The following PTPRD variants were observed in gnomAD, a reference collection of about 807,000 sequenced individuals.
The protein encoded by PTPRD is receptor-type tyrosine-protein phosphatase delta.
PTPRD carries 34 observed loss-of-function variants against 214.5 expected under a neutral mutation model. The ratio of observed to expected loss-of-function variants is 0.16; its 90% CI spans 0.12 to 0.21. PTPRD has a LOEUF of 0.21. PTPRD is among the 10% of genes least tolerant of loss of function. The pLI is 1.00. For missense variants in PTPRD, 2,545 were observed against 2,398.7 expected (o/e 1.06, Z -1.27); for synonymous variants, 1,128 against 845.7 (o/e 1.33, Z -5.79).
chr9:8,404,987 C>A (rs3739577), intron 35 of PTPRD, among the ~76,000 whole-genome samples: 15,514 of 152,154 alleles, frequency 0.1, 1,470 homozygotes, highest in East Asian at 0.38. Context: ...CATCTTGGTT[C>A]AATATTCCTT....
At chr9:9,431,204 C>G (rs1569568266) in intron 8 of PTPRD, among the ~76,000 whole-genome samples, 1 of 151,718 alleles carries the variant, frequency 6.6e-6, no homozygotes, top group Non-Finnish European at 1.5e-5. Flanking sequence ...AACAAATTTA[C>G]AAGAAAAAAT....
At chr9:10,077,140 A>C (rs1424865359) in intron 3 of PTPRD, among the ~76,000 whole-genome samples, 1 of 152,188 alleles carries the variant, frequency 6.6e-6, no homozygotes, top group Non-Finnish European at 1.5e-5. Flanking sequence ...ATAGTGCTTG[A>C]TAAAATGTTA....
At chr9:9,400,896 A>C (rs1312849171) in intron 8 of PTPRD, among the ~76,000 whole-genome samples, 1 of 152,066 alleles carries the variant, frequency 6.6e-6, no homozygotes, top group East Asian at 1.9e-4. Context: ...CCACTTCTCC[A>C]TATTCGACCA....
At chr9:8,955,222 A>C (rs1423417582) in intron 11 of PTPRD, among the ~76,000 whole-genome samples, 1 of 151,872 alleles carries the variant, frequency 6.6e-6, no homozygotes. Flanking sequence ...GAATATGAAA[A>C]AGTTGGCTGG....
intron 4 of PTPRD, among the ~76,000 whole-genome samples, chr9:10,013,906 C>G (rs965952495): frequency 6.6e-6 from 1 of 151,822 alleles, no homozygotes; most frequent in Non-Finnish European, 1.5e-5. Flanking sequence ...GTATAGCTCT[C>G]AAAATTTAGG....
chr9:9,586,164 T>G (rs2091910609), intron 7 of PTPRD, among the ~76,000 whole-genome samples: 1 of 151,992 alleles, frequency 6.6e-6, no homozygotes. Flanking sequence ...TAACCATTTG[T>G]ATATTCAGTC....
At chr9:9,874,940 T>C (rs910665989) in intron 5 of PTPRD, among the ~76,000 whole-genome samples, 1 of 152,158 alleles carries the variant, frequency 6.6e-6, no homozygotes, top group Non-Finnish European at 1.5e-5. Context: ...TTATAATAGA[T>C]AGATTACCTT....
intron 34 of PTPRD, among the ~76,000 whole-genome samples, chr9:8,442,847 C>T (rs1292479266): frequency 6.6e-6 from 1 of 151,864 alleles, no homozygotes; most frequent in Non-Finnish European, 1.5e-5. Flanking sequence ...TGGGGATCAT[C>T]ATTAAATGAA....
chr9:9,156,058 T>A (rs1296024218), intron 10 of PTPRD, among the ~76,000 whole-genome samples: 1 of 152,170 alleles, frequency 6.6e-6, no homozygotes, highest in Non-Finnish European at 1.5e-5. Flanking sequence ...CTTAGACCTC[T>A]GTTTCAGAGC....
chr9:8,891,438 ATT>A (rs201289782), intron 11 of PTPRD, among the ~76,000 whole-genome samples: 1,622 of 145,304 alleles, frequency 0.011, 26 homozygotes, highest in African/African-American at 0.039. Flanking sequence ...GGTCAATCTA[ATT>A]TTTTTTTTTT....
chr9:9,787,229 A>G (rs79454557), intron 5 of PTPRD, among the ~76,000 whole-genome samples: 2 of 151,916 alleles, frequency 1.3e-5, no homozygotes, highest in African/African-American at 2.4e-5. Flanking sequence ...TAAAAAAAAA[A>G]GAACAAACAG....
intron 9 of PTPRD, among the ~76,000 whole-genome samples, chr9:9,345,299 G>A (rs1468923546): frequency 6.6e-6 from 1 of 151,796 alleles, no homozygotes; most frequent in South Asian, 2.1e-4. Context: ...ATCCATTAGG[G>A]CAGCCCTCAT....
At chr9:10,161,235 A>G (rs965390149) in intron 3 of PTPRD, among the ~76,000 whole-genome samples, 1 of 151,892 alleles carries the variant, frequency 6.6e-6, no homozygotes, top group African/African-American at 2.4e-5. Context: ...TGGAATCACA[A>G]AAAGATCCTG....
rs925806289 is a variant in PTPRD, at chr9:9,091,065, G to A, written c.-142-72330C>T. 50 of 1,507,730 alleles carry A rather than the reference G, an allele frequency of 3.3e-5. No homozygotes were observed. In the Admixed American group the frequency reaches 5.0e-4, roughly 15 times the overall value. 93.4% of individuals were successfully genotyped at this position (1,507,730 alleles called of 1,614,324 possible). A position where few individuals can be genotyped will look rare whatever the true frequency, so the allele number is the denominator to read the frequency against. On this transcript the variant is annotated intron_variant, in intron 10 of 45. Transcript: ENST00000381196. Reference sequence around the variant, plus strand: ...CAGCAGTCAGGGACATTTCTGAAGCGAGCGTCTTCGATGCCTATGTGCTTC... The same window carrying A: ...CAGCAGTCAGGGACATTTCTGAAGCAAGCGTCTTCGATGCCTATGTGCTTC...
intron 4 of PTPRD, among the ~76,000 whole-genome samples, chr9:10,006,282 C>T (rs2096474119): frequency 6.6e-6 from 1 of 151,976 alleles, no homozygotes; most frequent in Non-Finnish European, 1.5e-5. Flanking sequence ...TGATACAAGC[C>T]TTTGACAATG....
chr9:9,294,837 G>C (rs1274123082), intron 9 of PTPRD, among the ~76,000 whole-genome samples: 3 of 151,496 alleles, frequency 2.0e-5, no homozygotes, highest in Non-Finnish European at 3.0e-5. Context: ...ATTAAGATTA[G>C]GCATAAATTT....
intron 7 of PTPRD, among the ~76,000 whole-genome samples, chr9:9,688,690 T>G (rs947541106): frequency 6.6e-6 from 1 of 151,932 alleles, no homozygotes; most frequent in African/African-American, 2.4e-5. Context: ...TTGTATACTC[T>G]AATCTCTTAA....
intron 3 of PTPRD, among the ~76,000 whole-genome samples, chr9:10,147,564 G>A (rs2099031818): frequency 6.6e-6 from 1 of 152,118 alleles, no homozygotes; most frequent in Admixed American, 6.6e-5. Context: ...CTAAAAGGAA[G>A]AAGAGTTATA....
chr9:8,733,360 G>C (rs894962918), intron 12 of PTPRD, among the ~76,000 whole-genome samples: 1 of 152,036 alleles, frequency 6.6e-6, no homozygotes, highest in Non-Finnish European at 1.5e-5. Context: ...AGTTTAATTA[G>C]GCTCATTGTG....
Sources: allele counts gnomAD v4.1 joint callset (sites outside exome capture counted in the v4.1 genomes callset), GRCh38; gene constraint gnomAD v4.1.1; transcripts MANE v1.5; gene names NCBI Gene and HGNC (gene_info 2026-07-23, HGNC 2026-07-21).